Variants in FREM1 observed in about 807,000 individuals in gnomAD.
FREM1 encodes the protein FRAS1-related extracellular matrix protein 1.
Under a neutral mutation model 210.1 loss-of-function variants are expected in FREM1, and 220 were observed. That is an observed-to-expected ratio of 1.05 (90% CI 0.94 to 1.17). The LOEUF (loss-of-function observed/expected upper bound fraction) is 1.17. Ranked by LOEUF, FREM1 falls within the 50% of genes most tolerant of loss-of-function variation. FREM1 has a pLI of 0.00. For synonymous variants in FREM1, 1,189 were observed against 980.2 expected (o/e 1.21, Z -3.98); for missense variants, 3,454 against 2,675.5 (o/e 1.29, Z -6.42).
intron 21 of FREM1, among the ~76,000 whole-genome samples, chr9:14,793,904 A>C (rs1232329218): frequency 6.6e-6 from 1 of 152,170 alleles, no homozygotes; most frequent in African/African-American, 2.4e-5. Flanking sequence ...ACATTTGCAC[A>C]CCTCTTTACT....
At chr9:14,813,522 T>C (rs1011051188) in intron 15 of FREM1, among the ~76,000 whole-genome samples, 1 of 152,180 alleles carries the variant, frequency 6.6e-6, no homozygotes, top group Non-Finnish European at 1.5e-5. Flanking sequence ...CTCAACTTCC[T>C]GCCACCCAGG....
chr9:14,806,085 C>A lies in FREM1; in HGVS notation c.3274+576G>T, dbSNP rs566493259. Among the ~76,000 whole-genome samples, 5 of 152,206 alleles carry A rather than the reference C, an allele frequency of 3.3e-5. No individual in the cohort carries two copies. In the East Asian group the frequency reaches 7.7e-4, roughly 24 times the overall value. On this transcript the variant is annotated intron_variant, in intron 18 of 36. Coordinates refer to ENST00000380880, the MANE Select transcript of FREM1 (RefSeq NM_001379081.2). ...ATGAGGGCCTTTTAAACCATTCTTT[C>A]TTCAATGTTTATTCTTGTATTTTCC...
At chr9:14,891,138 A>G (rs1030998270) in intron 1 of FREM1, among the ~76,000 whole-genome samples, 1 of 152,180 alleles carries the variant, frequency 6.6e-6, no homozygotes, top group Non-Finnish European at 1.5e-5. Flanking sequence ...TCATTTCTTA[A>G]TTTACAACAG....
intron 16 of FREM1, 49 bp from the exon 17 acceptor site, chr9:14,808,183 T>C (rs895183790): frequency 4.8e-6 from 6 of 1,248,900 alleles, no homozygotes; most frequent in Non-Finnish European, 6.6e-6. Flanking sequence ...AAATATAGAA[T>C]ACCAAGATGA....
At chr9:14,793,385 T>G (rs1851763823) in intron 21 of FREM1, among the ~76,000 whole-genome samples, 1 of 152,210 alleles carries the variant, frequency 6.6e-6, no homozygotes, top group Non-Finnish European at 1.5e-5. Flanking sequence ...TAAATTACTC[T>G]TCCTCTTCTA....
chr9:14,817,362 T>A (rs1199511733), intron 14 of FREM1, among the ~76,000 whole-genome samples: 1 of 152,234 alleles, frequency 6.6e-6, no homozygotes, highest in African/African-American at 2.4e-5. Context: ...AATTATGTAT[T>A]GCCTCTTTCC....
At chr9:14,860,561 A>ATGTGTATATATGTGTATATATATGTGTG (rs1491231101) in intron 3 of FREM1, among the ~76,000 whole-genome samples, 1 of 104,998 alleles carries the variant, frequency 9.5e-6, no homozygotes, top group Non-Finnish European at 1.6e-5. Flanking sequence ...ATATACACAC[A>ATGTGTATATATGTGTATATATATGTGTG]TATATATACA....
intron 27 of FREM1, among the ~76,000 whole-genome samples, chr9:14,769,383 C>A (rs1847101953): frequency 6.6e-6 from 1 of 152,170 alleles, no homozygotes; most frequent in Admixed American, 6.5e-5. Context: ...TGACCTCTTG[C>A]TGCACAATTG....
chr9:14,829,105 T>C lies in FREM1; in HGVS notation c.1882-4113A>G, dbSNP rs375616658. 1.2e-4 allele frequency among the ~76,000 whole-genome samples: 18 copies of C among 152,238 alleles called. No individual in the cohort carries two copies. In the South Asian group the frequency reaches 2.7e-3, roughly 23 times the overall value. On this transcript the variant is annotated intron_variant, in intron 10 of 36. Coordinates refer to ENST00000380880, the MANE Select transcript of FREM1 (RefSeq NM_001379081.2). Reference sequence around the variant, plus strand: ...CATTCGTCTCTGTATCTCCACAACATCTAGCACAATTTTTTTTGTAGGTAG... The same window carrying C: ...CATTCGTCTCTGTATCTCCACAACACCTAGCACAATTTTTTTTGTAGGTAG...
intron 34 of FREM1, 59 bp from the exon 35 acceptor site, chr9:14,746,527 A>C: frequency 2.3e-6 from 3 of 1,321,978 alleles, no homozygotes; most frequent in Non-Finnish European, 3.3e-6. Flanking sequence ...GAGTTGGTTC[A>C]GCATAAGGAG....
chr9:14,781,235 A>T (rs906815881), intron 24 of FREM1, among the ~76,000 whole-genome samples: 1 of 151,854 alleles, frequency 6.6e-6, no homozygotes, highest in African/African-American at 2.4e-5. Flanking sequence ...CATAAGGCTT[A>T]AGAAAAATAA....
At position 14,797,499 on chromosome 9, in the gene FREM1, T is replaced by A; in HGVS notation, c.3838A>T (p.Lys1280Ter). Residue 1280 changes from lysine to a stop codon, truncating the protein, a stop_gained and splice_region_variant, in exon 21 of 37, where the codon AAG (lysine) becomes TAG (stop). Coordinates refer to ENST00000380880, the MANE Select transcript of FREM1 (RefSeq NM_001379081.2). LOFTEE classifies it high-confidence loss of function. The stretch of plus-strand genomic sequence containing the variant: ...AGGGACTCTTTTCAGGTAGCTTACT[T>A]GCTCAGCATTGGTTTTTCATCATTA... ...PVNDEKPMLSKKAEIAMNMGE... is the reference protein window; with the variant it reads ...PVNDEKPMLS 4 of 1,604,492 alleles carry A rather than the reference T, an allele frequency of 2.5e-6. No homozygotes were observed. Among genetic ancestry groups the A allele is most frequent in the Non-Finnish European group, 3.4e-6 (4 of 1,175,122 alleles).
chr9:14,748,351 C>A (rs1842810073), intron 31 of FREM1, 50 bp downstream of exon 31: 9 of 1,022,146 alleles, frequency 8.8e-6, no homozygotes, highest in Non-Finnish European at 1.3e-5. Context: ...TCTTCTGATC[C>A]TTTTAATATG....
intron 5 of FREM1, 94 bp from the exon 6 acceptor site, chr9:14,851,701 C>A (rs527393214): frequency 2.8e-6 from 3 of 1,060,796 alleles, no homozygotes; most frequent in East Asian, 4.7e-5. Context: ...ACAGCCACAG[C>A]CTAGCGTCTA....
intron 1 of FREM1, among the ~76,000 whole-genome samples, chr9:14,888,598 C>A (rs537884046): frequency 6.6e-6 from 1 of 152,242 alleles, no homozygotes; most frequent in East Asian, 1.9e-4. Context: ...CACTACAAGC[C>A]CAGGTTAAAG....
At chr9:14,789,882 T>C (rs566248183) in intron 22 of FREM1, among the ~76,000 whole-genome samples, 34 of 152,194 alleles carry the variant, frequency 2.2e-4, no homozygotes, top group South Asian at 6.2e-4. Flanking sequence ...ATCTTTATTA[T>C]CTTATTAATA....
chr9:14,749,200 C>T (rs565493268), intron 30 of FREM1, among the ~76,000 whole-genome samples: 11 of 152,140 alleles, frequency 7.2e-5, no homozygotes, highest in Admixed American at 5.9e-4. Flanking sequence ...AGGGCAAAAC[C>T]CTTGTCTGGG....
chr9:14,822,474 T>C (rs1475589342), intron 13 of FREM1, among the ~76,000 whole-genome samples: 1 of 152,164 alleles, frequency 6.6e-6, no homozygotes, highest in Non-Finnish European at 1.5e-5. Flanking sequence ...TTCTGGTTGA[T>C]AATGAATGGG....
chr9:14,861,472 C>T (rs928969193), intron 3 of FREM1, among the ~76,000 whole-genome samples: 1 of 148,584 alleles, frequency 6.7e-6, no homozygotes, highest in East Asian at 1.9e-4. Flanking sequence ...ATGGGGTATC[C>T]ATTTATTGAG....
Sources: allele counts gnomAD v4.1 joint callset (sites outside exome capture counted in the v4.1 genomes callset), GRCh38; gene constraint gnomAD v4.1.1; transcripts MANE v1.5; gene names NCBI Gene and HGNC (gene_info 2026-07-23, HGNC 2026-07-21).